Variants in CUBN observed in about 807,000 individuals in gnomAD.
CUBN encodes 460 kDa receptor.
CUBN carries 282 observed loss-of-function variants against 405.3 expected under a neutral mutation model. That is an observed-to-expected ratio of 0.70 (90% CI 0.63 to 0.77). The LOEUF (loss-of-function observed/expected upper bound fraction) is 0.77. CUBN is among the 30% of genes least tolerant of loss of function. CUBN has a pLI of 0.00. For synonymous variants in CUBN, 1,684 were observed against 1,617.0 expected (o/e 1.04, Z -0.99); for missense variants, 4,514 against 4,475.2 (o/e 1.01, Z -0.25).
chr10:17,025,424 A>C (rs1437091611), intron 27 of CUBN, among the ~76,000 whole-genome samples: 3 of 152,314 alleles, frequency 2.0e-5, no homozygotes, highest in African/African-American at 7.2e-5. Flanking sequence ...TTTTGTGAAA[A>C]TTATTGAACT....
chr10:16,843,546 G>C (rs1444734616), intron 60 of CUBN, among the ~76,000 whole-genome samples: 1 of 152,192 alleles, frequency 6.6e-6, no homozygotes, highest in Non-Finnish European at 1.5e-5. Context: ...TCACCCCTTT[G>C]TTTCATGGAA....
intron 58 of CUBN, among the ~76,000 whole-genome samples, chr10:16,871,152 C>T (rs1207039362): frequency 1.3e-5 from 2 of 151,660 alleles, no homozygotes; most frequent in Non-Finnish European, 1.5e-5. Context: ...CTCACCCTCC[C>T]GAGTAGCTGG....
chr10:16,945,374 A>C (rs1842747713), intron 36 of CUBN, among the ~76,000 whole-genome samples: 3 of 152,202 alleles, frequency 2.0e-5, no homozygotes, highest in African/African-American at 4.8e-5. Flanking sequence ...TTAGGAGCTT[A>C]ATAAATATCT....
chr10:17,046,755 T>C (rs1454411658), intron 23 of CUBN, among the ~76,000 whole-genome samples: 1 of 152,194 alleles, frequency 6.6e-6, no homozygotes, highest in Non-Finnish European at 1.5e-5. Context: ...ATAACATTTA[T>C]AATACATAAG....
intron 34 of CUBN, among the ~76,000 whole-genome samples, chr10:16,948,899 C>T (rs947880542): frequency 3.9e-5 from 6 of 152,146 alleles, no homozygotes; most frequent in African/African-American, 1.4e-4. Context: ...GCAAAAATCT[C>T]CAGCCCAGTC....
At chr10:17,090,778 T>C (rs1416712960) in intron 14 of CUBN, among the ~76,000 whole-genome samples, 3 of 147,142 alleles carry the variant, frequency 2.0e-5, no homozygotes, top group Admixed American at 1.3e-4. Flanking sequence ...TTCATGTCAT[T>C]GGGAACCAGG....
chr10:17,022,108 G>C (rs2131787617), intron 27 of CUBN, among the ~76,000 whole-genome samples: 1 of 152,300 alleles, frequency 6.6e-6, no homozygotes, highest in African/African-American at 2.4e-5. Flanking sequence ...GCTCCTCTTA[G>C]ACCATAAAGG....
chr10:16,975,342 A>G (rs577601672), intron 31 of CUBN, among the ~76,000 whole-genome samples: 1 of 152,220 alleles, frequency 6.6e-6, no homozygotes, highest in Non-Finnish European at 1.5e-5. Context: ...GAAATATGGC[A>G]GTGTTCATAG....
intron 59 of CUBN, among the ~76,000 whole-genome samples, chr10:16,857,648 G>A (rs1210856280): frequency 6.6e-6 from 1 of 152,104 alleles, no homozygotes; most frequent in Non-Finnish European, 1.5e-5. Flanking sequence ...AAAACTCTTG[G>A]CAAACTAGGA....
At chr10:17,115,630 A>T in intron 6 of CUBN, 33 bp from the exon 7 acceptor site, 1 of 1,613,696 alleles carries the variant, frequency 6.2e-7, no homozygotes, top group Non-Finnish European at 8.5e-7. Context: ...ATGTCAGGGC[A>T]CGCGCTTTGG....
intron 56 of CUBN, among the ~76,000 whole-genome samples, chr10:16,887,698 T>C (rs1840860888): frequency 6.6e-6 from 1 of 152,176 alleles, no homozygotes; most frequent in South Asian, 2.1e-4. Context: ...AGAACTACCA[T>C]ATGATCCACC....
At chr10:16,944,454 C>T (rs1487871645) in intron 36 of CUBN, among the ~76,000 whole-genome samples, 2 of 152,150 alleles carry the variant, frequency 1.3e-5, no homozygotes, top group African/African-American at 2.4e-5. Flanking sequence ...TCAGTTTCAC[C>T]ACAATCCCAG....
At chr10:16,835,813 A>G (rs936250179) in intron 63 of CUBN, among the ~76,000 whole-genome samples, 1 of 152,178 alleles carries the variant, frequency 6.6e-6, no homozygotes, top group Non-Finnish European at 1.5e-5. Context: ...TTGTGAAAAT[A>G]CTAAAAACCT....
chr10:17,116,710 A>G (rs1320953077), intron 6 of CUBN, among the ~76,000 whole-genome samples: 1 of 152,252 alleles, frequency 6.6e-6, no homozygotes, highest in African/African-American at 2.4e-5. Flanking sequence ...GAAAGGCATC[A>G]AGAACCAACC....
chr10:17,046,020 T>C lies in CUBN; in HGVS notation c.3404A>G (p.His1135Arg), dbSNP rs1310323519. Residue 1135 changes from histidine to arginine, a missense_variant, in exon 24 of 67, where the codon CAT becomes CGT. By Grantham distance (29) the His-to-Arg change is conservative. Around this residue, in one of 5 missense-constraint regions of CUBN, gnomAD observed 1,448 missense variants for 1,388.0 expected, o/e 1.04. Transcript: ENST00000377833. ...GSNLPPTIIS[H>R]SNKLWLKFKS... ...AAATTTTAACCATAGTTTGTTACTA[T>C]GAGAGATGATTGTTGGGGGTAGATT... is the stretch of plus-strand genomic sequence containing the variant. 9.3e-6 allele frequency: 15 copies of C among 1,613,712 alleles called. No individual in the cohort carries two copies. The highest frequency in any genetic ancestry group is 1.3e-5 in the Non-Finnish European group (15 of 1,179,770).
At chr10:17,060,120 TTTTC>T (rs200836609) in intron 22 of CUBN, among the ~76,000 whole-genome samples, 18,888 of 151,826 alleles carry the variant, frequency 0.12, 2,039 homozygotes, top group African/African-American at 0.28. Context: ...CTGGTTTTTC[TTTTC>T]TTTTTCTTTT....
chr10:16,901,755 G>A (rs1453727429), intron 51 of CUBN, among the ~76,000 whole-genome samples: 1 of 151,380 alleles, frequency 6.6e-6, no homozygotes, highest in Non-Finnish European at 1.5e-5. Flanking sequence ...TCAGGAGGCT[G>A]AGGCAGGAGA....
At chr10:17,095,018 G>C (rs1836341773) in intron 14 of CUBN, among the ~76,000 whole-genome samples, 1 of 151,926 alleles carries the variant, frequency 6.6e-6, no homozygotes, top group South Asian at 2.1e-4. Context: ...TTACAAAACT[G>C]TAGTAATCAA....
chr10:16,875,953 C>T (rs1162290208), intron 57 of CUBN, among the ~76,000 whole-genome samples: 1 of 152,180 alleles, frequency 6.6e-6, no homozygotes, highest in East Asian at 1.9e-4. Context: ...TTCTATTCTG[C>T]TAGAGCCAAC....
Sources: allele counts gnomAD v4.1 joint callset (sites outside exome capture counted in the v4.1 genomes callset), GRCh38; gene constraint gnomAD v4.1.1; regional missense constraint gnomAD v4.1.1; transcripts MANE v1.5; gene names NCBI Gene and HGNC (gene_info 2026-07-23, HGNC 2026-07-21).